The following GAK variants were observed in gnomAD, a reference collection of about 807,000 sequenced individuals.
GAK encodes the protein cyclin G associated kinase, also known as cyclin-G-associated kinase.
GAK carries 79 observed loss-of-function variants against 143.9 expected under a neutral mutation model. The ratio of observed to expected loss-of-function variants is 0.55; its 90% CI spans 0.46 to 0.66. The LOEUF (loss-of-function observed/expected upper bound fraction) is 0.66, where lower values mean the gene tolerates loss of function less well. Ranked by LOEUF, GAK falls within the 30% of genes least tolerant of loss-of-function variation. The probability of loss-of-function intolerance (pLI) is 0.00; values close to 1 mark genes in which losing one functional copy is unlikely to be tolerated. For synonymous variants in GAK, 881 were observed against 765.5 expected, an observed-to-expected ratio of 1.15 and a Z score of -2.49; for missense variants, 1,693 against 1,779.7, an observed-to-expected ratio of 0.95 and a Z score of 0.88.
In GAK at chr4:882,756, T is replaced by C; in HGVS notation, c.1468A>G (p.Arg490Gly). The C allele has an allele frequency of 1.2e-6, 2 of 1,612,442 alleles. No individual in the cohort carries two copies. Among genetic ancestry groups the C allele is most frequent in the Non-Finnish European group, 8.5e-7 (1 of 1,179,978 alleles). Reference sequence around the variant, plus strand: ...TGCCGCAGCCAGGCGTGCATGTTCCTGCAGATGTTGTACAGGGTGTGCAGG... The same window carrying C: ...TGCCGCAGCCAGGCGTGCATGTTCCCGCAGATGTTGTACAGGGTGTGCAGG... ...PHLHTLYNICRNMHAWLRQDH... is the reference protein window; with the variant it reads ...PHLHTLYNICGNMHAWLRQDH... The change falls in exon 14 of 28, where the codon AGG becomes GGG. Residue 490 changes from arginine (R) to glycine (G), a missense_variant. By Grantham distance (125) the Arg-to-Gly change is moderately radical. Around this residue, in one of 2 missense-constraint regions of GAK, gnomAD observed 871 missense variants for 991.0 expected, o/e 0.88. Coordinates refer to ENST00000314167, the MANE Select transcript of GAK (RefSeq NM_005255.4).
intron 2 of GAK, among the ~76,000 whole-genome samples, chr4:913,271 A>C (rs1045550408): frequency 2.0e-5 from 3 of 152,140 alleles, no homozygotes; most frequent in Non-Finnish European, 4.4e-5. Context: ...AGCAACAAAT[A>C]TTTTTTACAA....
Position 877,138 on chromosome 4 carries a change from G to A in GAK, c.1926C>T (p.Ile642=), listed in dbSNP as rs1714098639. Reference sequence around the variant, plus strand: ...GAGTGGACCGGGCGTGATAGATGACGATGAGCACGTCTCCTTGCACCGTGA... The same window carrying A: ...GAGTGGACCGGGCGTGATAGATGACAATGAGCACGTCTCCTTGCACCGTGA... The part of the protein sequence containing the change: ...LGVTVQGDVL[I]VIYHARSTLG... The change falls in exon 17 of 28, where the codon ATC becomes ATT. Residue 642 remains isoleucine (I), a synonymous_variant. Coordinates refer to ENST00000314167, the MANE Select transcript of GAK (RefSeq NM_005255.4). The A allele has an allele frequency of 6.2e-6, 10 of 1,613,974 alleles. No homozygotes were observed. The highest frequency in any genetic ancestry group is 1.1e-5 in the South Asian group (1 of 91,070).
chr4:920,518 T>C (rs564073699), intron 1 of GAK, among the ~76,000 whole-genome samples: 30 of 149,012 alleles, frequency 2.0e-4, no homozygotes, highest in Admixed American at 6.0e-4. Flanking sequence ...TCTACCAAAA[T>C]TGTGAAAAAG....
chr4:916,997 A>C (rs563314791), intron 1 of GAK, among the ~76,000 whole-genome samples: 56 of 152,400 alleles, frequency 3.7e-4, no homozygotes, highest in African/African-American at 1.3e-3. Context: ...AGCAATAAAA[A>C]GGAGGAAACT....
At chr4:873,126 G>A (rs1302725047) in intron 18 of GAK, among the ~76,000 whole-genome samples, 1 of 152,240 alleles carries the variant, frequency 6.6e-6, no homozygotes, top group African/African-American at 2.4e-5. Context: ...AATTACAGCT[G>A]TAAGCCACTG....
At chr4:924,898 G>A (rs1349727731) in intron 1 of GAK, among the ~76,000 whole-genome samples, 1 of 151,748 alleles carries the variant, frequency 6.6e-6, no homozygotes, top group Non-Finnish European at 1.5e-5. Context: ...TGGTGGTGGA[G>A]TTCCCCCAGG....
At chr4:872,034 G>A (rs547883187) in intron 18 of GAK, among the ~76,000 whole-genome samples, 156 of 152,320 alleles carry the variant, frequency 1.0e-3, no homozygotes, top group African/African-American at 3.5e-3. Flanking sequence ...GTGTCTGCAG[G>A]GCCAGGAACA....
At position 904,620 on chromosome 4, in the gene GAK, G is replaced by A. The variant is rs750734645; in HGVS notation, c.525+17C>T. ...CACACAGAGGCCTTGGCAGCCGCGT[G>A]TGGAGGGAGCCACTACCTTGAGGTC... On this transcript the variant is annotated intron_variant, in intron 5 of 27. Coordinates refer to ENST00000314167, the MANE Select transcript of GAK (RefSeq NM_005255.4). 4.5e-6 allele frequency: 7 copies of A among 1,559,022 alleles called. No homozygotes were observed. Among genetic ancestry groups the A allele is most frequent in the Non-Finnish European group, 6.1e-6 (7 of 1,151,962 alleles).
intron 26 of GAK, 51 bp downstream of exon 26, chr4:850,885 G>A (rs748275740): frequency 3.2e-6 from 5 of 1,584,024 alleles, no homozygotes; most frequent in South Asian, 1.1e-5. Context: ...TGCTCCAGGG[G>A]CCATGGGTTG....
chr4:892,997 CAG>C (rs1194727990), intron 9 of GAK, among the ~76,000 whole-genome samples: 1 of 152,196 alleles, frequency 6.6e-6, no homozygotes, highest in Non-Finnish European at 1.5e-5. Flanking sequence ...CTGAAGTGGG[CAG>C]AGACCCCCAG....
chr4:866,575 G>T, intron 21 of GAK, 41 bp from the exon 22 acceptor site: 1 of 1,596,036 alleles, frequency 6.3e-7, no homozygotes, highest in Non-Finnish European at 8.5e-7. Context: ...CAGCCCGGCT[G>T]CCTGAAGACA....
At chr4:919,835 G>A (rs1474401112) in intron 1 of GAK, among the ~76,000 whole-genome samples, 1 of 152,202 alleles carries the variant, frequency 6.6e-6, no homozygotes, top group Admixed American at 6.5e-5. Context: ...TCTACATCCA[G>A]CACCTAAGTG....
At chr4:908,997 G>A (rs938263066) in intron 4 of GAK, among the ~76,000 whole-genome samples, 11 of 151,998 alleles carry the variant, frequency 7.2e-5, no homozygotes, top group Non-Finnish European at 1.6e-4. Flanking sequence ...CCACTACCAT[G>A]CCTGGCTAAT....
chr4:928,854 C>T (rs1725243106), intron 1 of GAK, among the ~76,000 whole-genome samples: 1 of 152,162 alleles, frequency 6.6e-6, no homozygotes, highest in Non-Finnish European at 1.5e-5. Flanking sequence ...TCCTCCACCT[C>T]CCAGGTTCAA....
At chr4:910,107 G>A (rs1368082369) in intron 4 of GAK, among the ~76,000 whole-genome samples, 3 of 152,140 alleles carry the variant, frequency 2.0e-5, no homozygotes, top group Non-Finnish European at 4.4e-5. Context: ...GCAGAGCCAG[G>A]GGCCCGCAGG....
intron 17 of GAK, among the ~76,000 whole-genome samples, chr4:876,856 C>T (rs1714011468): frequency 1.3e-5 from 2 of 152,232 alleles, no homozygotes; most frequent in South Asian, 2.1e-4. Context: ...CCAAGTGGAC[C>T]CTCAAACTCA....
chr4:897,179 A>C (rs1447054981), intron 6 of GAK, among the ~76,000 whole-genome samples: 1 of 152,224 alleles, frequency 6.6e-6, no homozygotes, highest in South Asian at 2.1e-4. Context: ...CGGCAGACAC[A>C]CAAACCCCAT....
chr4:912,856 T>C (rs1026571534), intron 2 of GAK, 62 bp from the exon 3 acceptor site: 2 of 1,460,172 alleles, frequency 1.4e-6, no homozygotes, highest in Admixed American at 1.7e-5. Context: ...CTCCACCCGA[T>C]GCATCATCTC....
intron 14 of GAK, 33 bp from the exon 15 acceptor site, chr4:882,073 C>T (rs761569680): frequency 1.1e-5 from 18 of 1,568,118 alleles, no homozygotes; most frequent in South Asian, 5.8e-5. Context: ...GCGTGCGCCT[C>T]GCACTCATGC....
Sources: allele counts gnomAD v4.1 joint callset (sites outside exome capture counted in the v4.1 genomes callset), GRCh38; gene constraint gnomAD v4.1.1; regional missense constraint gnomAD v4.1.1; transcripts MANE v1.5; gene names NCBI Gene and HGNC (gene_info 2026-07-23, HGNC 2026-07-21).